The following CEP250 variants were observed in gnomAD, a reference collection of about 807,000 sequenced individuals.
The protein encoded by CEP250 is centrosomal protein 250.
CEP250 carries 242 observed loss-of-function variants against 315.7 expected under a neutral mutation model. That is an observed-to-expected ratio of 0.77 (90% CI 0.69 to 0.85). CEP250 has a LOEUF of 0.85. Ranked by LOEUF, CEP250 falls within the 40% of genes least tolerant of loss-of-function variation. CEP250 has a pLI of 0.00. For synonymous variants in CEP250, 1,088 were observed against 1,175.0 expected (o/e 0.93, Z 1.51); for missense variants, 2,515 against 2,886.4 (o/e 0.87, Z 2.95).
At position 35,479,369 on chromosome 20, in the gene CEP250, C is replaced by G. The variant is rs2063272847; in HGVS notation, c.2233C>G (p.Leu745Val). ...AGAGAAAGCGGCTCTAGAGGTGCGG[C>G]TGCAGGCCGTGGAGCGTGACCGGCA... is the stretch of plus-strand genomic sequence containing the variant. ...VREKAALEVR[L>V]QAVERDRQDL... The change falls in exon 18 of 35, where the codon CTG becomes GTG. Residue 745 changes from leucine (L) to valine (V), a missense_variant. Physicochemically the swap from Leu to Val is conservative, Grantham distance 32. Coordinates refer to ENST00000397527, the MANE Select transcript of CEP250 (RefSeq NM_007186.6). 1.2e-6 allele frequency: 2 copies of G among 1,614,074 alleles called. No individual in the cohort carries two copies. The highest frequency in any genetic ancestry group is 2.2e-5 in the South Asian group (2 of 91,092).
At chr20:35,474,788 T>G (rs1194906794) in intron 14 of CEP250, 1 of 471,098 alleles carries the variant, frequency 2.1e-6, no homozygotes, top group Admixed American at 2.3e-5. Context: ...AATATTTACC[T>G]TGAAGGGTTG....
chr20:35,512,132 A>C lies in CEP250; in HGVS notation c.*506A>C. 2 of 741,880 alleles carry C rather than the reference A, an allele frequency of 2.7e-6. No homozygotes were observed. Among genetic ancestry groups the C allele is most frequent in the Non-Finnish European group, 3.3e-6 (2 of 606,062 alleles). 46.0% of individuals were successfully genotyped at this position (741,880 alleles called of 1,614,324 possible). A position where few individuals can be genotyped will look rare whatever the true frequency, so the allele number is the denominator to read the frequency against. On this transcript the variant is annotated 3_prime_UTR_variant, in exon 35 of 35. Coordinates refer to ENST00000397527, the MANE Select transcript of CEP250 (RefSeq NM_007186.6). ...AGGGTTACAGAGAACACACAAGACA[A>C]AGCCCCTGTCCACAGACAGCCTACA...
rs1249139693 is a variant in CEP250, at chr20:35,501,873, C to T, written c.3927C>T (p.Asn1309=). 4.3e-6 allele frequency: 7 copies of T among 1,613,018 alleles called. No homozygotes were observed. The highest frequency in any genetic ancestry group is 3.3e-5 in the South Asian group (3 of 90,870). The change falls in exon 29 of 35, where the codon AAC becomes AAT. Residue 1309 remains asparagine, a synonymous_variant. Coordinates refer to ENST00000397527, the MANE Select transcript of CEP250 (RefSeq NM_007186.6). ...EEKSKWEGKQ[N]SLESELMELH... is the part of the protein sequence containing the mutation. ...AATCTAAGTGGGAAGGAAAGCAGAACTCCCTAGAATCTGAGCTGATGGAAC... is the reference window on the plus strand; with the variant it reads ...AATCTAAGTGGGAAGGAAAGCAGAATTCCCTAGAATCTGAGCTGATGGAAC...
rs551160014 is a variant in CEP250 at position 35,479,360 on chromosome 20, G to A, written c.2224G>A (p.Glu742Lys). Reference protein sequence around the residue: ...EALVREKAALEVRLQAVERDR... With the variant: ...EALVREKAALKVRLQAVERDR... ...CCTAGTACGAGAGAAAGCGGCTCTA[G>A]AGGTGCGGCTGCAGGCCGTGGAGCG... Residue 742 changes from glutamate (E) to lysine (K), a missense_variant, in exon 18 of 35, where the codon GAG becomes AAG. Physicochemically the swap from Glu to Lys is moderately conservative, Grantham distance 56. Transcript: ENST00000397527. 6.2e-7 allele frequency: 1 copy of A among 1,614,234 alleles called. No individual in the cohort carries two copies. The highest frequency in any genetic ancestry group is 2.2e-5 in the East Asian group (1 of 44,880).
chr20:35,462,767 T>C (rs1374223307), intron 4 of CEP250, among the ~76,000 whole-genome samples: 2 of 152,184 alleles, frequency 1.3e-5, no homozygotes, highest in African/African-American at 4.8e-5. Context: ...CCTTTTAATT[T>C]AATTTTATTT....
At position 35,496,781 on chromosome 20, in the gene CEP250, G is replaced by C. The variant is rs944896670; in HGVS notation, c.3306+66G>C. 1.7e-5 allele frequency: 26 copies of C among 1,547,140 alleles called. No individual in the cohort carries two copies. In the African/African-American group the frequency reaches 3.6e-4, roughly 21 times the overall value. On this transcript the variant is annotated intron_variant, in intron 25 of 34. Transcript: ENST00000397527. Reference sequence around the variant, plus strand: ...AAGCCTGATTCTGAAGCGGTGGATTGATTGCTCTGAGTCCTCTCATGGAGA... The same window carrying C: ...AAGCCTGATTCTGAAGCGGTGGATTCATTGCTCTGAGTCCTCTCATGGAGA...
chr20:35,513,318 A>C lies in CEP250; in HGVS notation c.*1692A>C, dbSNP rs1423301736. The C allele has an allele frequency of 1.3e-5, 2 of 151,248 alleles. No individual in the cohort carries two copies. The highest frequency in any genetic ancestry group is 2.9e-5 in the Non-Finnish European group (2 of 67,948). 9.4% of individuals were successfully genotyped at this position (151,248 alleles called of 1,614,324 possible). ...TGCCCAGGCTGGAGTGCAGTGACGTAATCTCGGCTCACCAGTGGCAACATC... is the reference window on the plus strand; with the variant it reads ...TGCCCAGGCTGGAGTGCAGTGACGTCATCTCGGCTCACCAGTGGCAACATC... On this transcript the variant is annotated 3_prime_UTR_variant, in exon 35 of 35. Transcript: ENST00000397527.
At chr20:35,471,951 T>C in intron 10 of CEP250, 99 bp from the exon 11 acceptor site, 1 of 732,202 alleles carries the variant, frequency 1.4e-6, no homozygotes, top group Non-Finnish European at 2.5e-6. Context: ...GTGGGGCTGA[T>C]AGAATAGACA....
chr20:35,505,814 A>G (rs754259631), intron 30 of CEP250, among the ~76,000 whole-genome samples: 1 of 152,126 alleles, frequency 6.6e-6, no homozygotes, highest in Non-Finnish European at 1.5e-5. Flanking sequence ...ATTTGGGAAG[A>G]GACCGGAAGA....
At chr20:35,487,752 T>C (rs767895231) in intron 20 of CEP250, among the ~76,000 whole-genome samples, 2 of 152,124 alleles carry the variant, frequency 1.3e-5, no homozygotes, top group Non-Finnish European at 2.9e-5. Context: ...CTGGGCAACA[T>C]AGCAAGATCC....
At chr20:35,498,543 T>C in intron 26 of CEP250, 52 bp from the exon 27 acceptor site, 1 of 1,597,428 alleles carries the variant, frequency 6.3e-7, no homozygotes, top group Non-Finnish European at 8.5e-7. Context: ...GAGGTCTGGC[T>C]GTTTCTTTTC....
At position 35,504,688 on chromosome 20, in the gene CEP250, G is replaced by A; in HGVS notation, c.6319G>A (p.Glu2107Lys). 6.2e-7 allele frequency: 1 copy of A among 1,614,182 alleles called. No homozygotes were observed. The highest frequency in any genetic ancestry group is 8.5e-7 in the Non-Finnish European group (1 of 1,180,040). ...GCTACAGCTGACTCTAGCCCAAAAG[G>A]AACAGGAGATTCTGGAGCTGAGGGA... ...RELQLTLAQK[E>K]QEILELRETQ... The change falls in exon 30 of 35, where the codon GAA becomes AAA. Residue 2107 changes from glutamate (E) to lysine (K), a missense_variant. Physicochemically the swap from Glu to Lys is moderately conservative, Grantham distance 56. Coordinates refer to ENST00000397527, the MANE Select transcript of CEP250 (RefSeq NM_007186.6).
At chr20:35,463,731 T>A in intron 5 of CEP250, 100 bp downstream of exon 5, 1 of 889,370 alleles carries the variant, frequency 1.1e-6, no homozygotes. Context: ...ACAAGTGAGG[T>A]GTTTGGTGGA....
At chr20:35,501,006 G>A (rs1262408367) in intron 28 of CEP250, among the ~76,000 whole-genome samples, 1 of 152,148 alleles carries the variant, frequency 6.6e-6, no homozygotes, top group South Asian at 2.1e-4. Flanking sequence ...CTTCAACTGT[G>A]TCCTCCAAGT....
chr20:35,472,303 C>T (rs1297465197), intron 11 of CEP250, 152 bp downstream of exon 11: 1 of 620,516 alleles, frequency 1.6e-6, no homozygotes. Flanking sequence ...AGACCAGAAC[C>T]CTAAGAGATA....
Position 35,473,841 on chromosome 20 carries a change from T to C in CEP250, c.1389-29T>C, listed in dbSNP as rs369168673. The C allele has an allele frequency of 4.5e-5, 72 of 1,587,710 alleles. 1 individual carries two copies. The Middle Eastern group carries it at 6.7e-4, about 15-fold the overall frequency. On this transcript the variant is annotated intron_variant, in intron 13 of 34. Transcript: ENST00000397527. ...AGAAAGAATTTTAGGTCCTATGGTCTCTGCTCATCTCTGATTCCCTTCTTC... is the reference window on the plus strand; with the variant it reads ...AGAAAGAATTTTAGGTCCTATGGTCCCTGCTCATCTCTGATTCCCTTCTTC...
In CEP250 at chr20:35,462,272, G is replaced by A. The variant is rs1356687482; in HGVS notation, c.-96G>A. ...ATGTGCTTTGGTCCCCAGTTCAAGA[G>A]GAGGTTGAAGTGGCATGGCAATGGT... On this transcript the variant is annotated 5_prime_UTR_variant, in exon 4 of 35. Coordinates refer to ENST00000397527, the MANE Select transcript of CEP250 (RefSeq NM_007186.6). 4 of 905,242 alleles carry A rather than the reference G, an allele frequency of 4.4e-6. No homozygotes were observed. The African/African-American group carries it at 6.7e-5, about 15-fold the overall frequency. 56.1% of individuals were successfully genotyped at this position (905,242 alleles called of 1,614,324 possible).
At position 35,503,034 on chromosome 20, in the gene CEP250, G is replaced by A; in HGVS notation, c.4665G>A (p.Leu1555=). 6.2e-7 allele frequency: 1 copy of A among 1,614,180 alleles called. No individual in the cohort carries two copies. Among genetic ancestry groups the A allele is most frequent in the South Asian group, 1.1e-5 (1 of 91,078 alleles). The change falls in exon 30 of 35, where the codon CTG becomes CTA. Residue 1555 remains leucine, a synonymous_variant. Transcript: ENST00000397527. This position sits in a 1 kb window ranked among gnomAD's most constrained non-coding sequence, Gnocchi z 4.2. ...VQDLKKQLVT[L]ECLALELEEN... is the part of the protein sequence containing the mutation. ...ACCTGAAAAAGCAGTTGGTTACTCT[G>A]GAATGCCTGGCCCTGGAACTGGAGG...
In CEP250 at chr20:35,503,101, G is replaced by A; in HGVS notation, c.4732G>A (p.Glu1578Lys). ...KMECQQKLIK[E>K]LEGQRETQRV... ...GGAGTGCCAGCAAAAACTGATCAAG[G>A]AGCTGGAGGGCCAGAGGGAAACCCA... The change falls in exon 30 of 35, where the codon GAG becomes AAG. Residue 1578 changes from glutamate (E) to lysine (K), a missense_variant. Transcript: ENST00000397527. The surrounding 1 kb of genome is among the most constrained non-coding windows in gnomAD (Gnocchi z 4.2). 2 of 1,614,172 alleles carry A rather than the reference G, an allele frequency of 1.2e-6. No homozygotes were observed. The highest frequency in any genetic ancestry group is 1.7e-6 in the Non-Finnish European group (2 of 1,180,034).
Sources: gnomAD v4.1 joint callset for allele counts (sites outside exome capture counted in the v4.1 genomes callset) on GRCh38, gnomAD v4.1.1 for gene constraint, Gnocchi (gnomAD v3.1) non-coding constraint, MANE v1.5 for transcripts, NCBI Gene and HGNC (gene_info 2026-07-23, HGNC 2026-07-21) for gene names.